Variants in KSR1 observed in about 807,000 individuals in gnomAD.
KSR1 encodes kinase suppressor of ras.
In KSR1, 35 loss-of-function variants were observed where a neutral mutation model predicts 92.9. The ratio of observed to expected loss-of-function variants is 0.38; its 90% confidence interval spans 0.29 to 0.50. The LOEUF is 0.50. KSR1 is among the 20% of genes least tolerant of loss of function. The pLI, the probability that KSR1 is intolerant of heterozygous loss-of-function variation, is 0.94. For synonymous variants in KSR1, 467 were observed against 472.6 expected (o/e 0.99, Z 0.15); for missense variants, 972 against 1,158.5 (o/e 0.84, Z 2.34).
chr17:27,533,899 A>G (rs1349720215), intron 1 of KSR1, among the ~76,000 whole-genome samples: 1 of 152,120 alleles, frequency 6.6e-6, no homozygotes, highest in Admixed American at 6.6e-5. Flanking sequence ...GCCTCTCTTT[A>G]TTTTGAGATG....
At chr17:27,526,094 T>TTCTTTCTCTCTCTCTTTCTTTCTTTC (rs55706224) in intron 1 of KSR1, among the ~76,000 whole-genome samples, 1 of 118,402 alleles carries the variant, frequency 8.4e-6, no homozygotes, top group Non-Finnish European at 1.7e-5. Flanking sequence ...CTTTCTTTCT[T>TTCTTTCTCTCTCTCTTTCTTTCTTTC]TCTCTCTCTC....
chr17:27,611,702 A>G, intron 18 of KSR1, 73 bp downstream of exon 18: 1 of 1,579,788 alleles, frequency 6.3e-7, no homozygotes, highest in Non-Finnish European at 8.7e-7. Context: ...GCTGCCCTTC[A>G]CTCACCCACC....
chr17:27,537,458 G>T (rs148775936), intron 1 of KSR1, among the ~76,000 whole-genome samples: 1 of 152,158 alleles, frequency 6.6e-6, no homozygotes, highest in South Asian at 2.1e-4. Flanking sequence ...TTGGGAGGCC[G>T]AGGCGGCAGA....
chr17:27,465,797 G>A (rs956851286), intron 1 of KSR1, among the ~76,000 whole-genome samples: 42 of 152,022 alleles, frequency 2.8e-4, no homozygotes, highest in African/African-American at 9.2e-4. Context: ...ATTAATTTGG[G>A]TTTAGTTTTG....
At chr17:27,583,268 G>A (rs995548492) in intron 4 of KSR1, among the ~76,000 whole-genome samples, 163 bp downstream of exon 4, 6 of 152,270 alleles carry the variant, frequency 3.9e-5, no homozygotes, top group Admixed American at 2.6e-4. Context: ...CTTTAGTGGT[G>A]TGGGCTGAAT....
intron 1 of KSR1, among the ~76,000 whole-genome samples, chr17:27,522,995 T>C (rs185829375): frequency 2.1e-4 from 32 of 152,272 alleles, no homozygotes; most frequent in African/African-American, 6.3e-4. Flanking sequence ...AAATACAGCA[T>C]GGGGAGGGGC....
At chr17:27,467,857 CT>C (rs2019776839) in intron 1 of KSR1, among the ~76,000 whole-genome samples, 1 of 149,296 alleles carries the variant, frequency 6.7e-6, no homozygotes, top group African/African-American at 2.5e-5. Context: ...GTCCCCCAGG[CT>C]GTAGTTCCGT....
intron 1 of KSR1, among the ~76,000 whole-genome samples, chr17:27,534,027 C>A (rs1207313141): frequency 1.3e-5 from 2 of 152,238 alleles, no homozygotes; most frequent in Non-Finnish European, 2.9e-5. Flanking sequence ...GCTCCCCTTG[C>A]AGCCTGGGGG....
In KSR1 at chr17:27,609,184, T is replaced by G; in HGVS notation, c.2092-12T>G. 1 of 1,611,552 alleles carries G rather than the reference T, an allele frequency of 6.2e-7. No individual in the cohort carries two copies. Among genetic ancestry groups the G allele is most frequent in the Non-Finnish European group, 8.5e-7 (1 of 1,177,902 alleles). On this transcript the variant is annotated splice_polypyrimidine_tract_variant and intron_variant, in intron 15 of 20. Coordinates refer to ENST00000644974, the MANE Select transcript of KSR1 (RefSeq NM_001394583.1). ...CGTTGCACATCTTCACTCCTCCTGA[T>G]GTGTCCTCCAGGGCATGGGATATCT...
At chr17:27,475,175 C>T (rs1417422145) in intron 1 of KSR1, among the ~76,000 whole-genome samples, 1 of 152,114 alleles carries the variant, frequency 6.6e-6, no homozygotes, top group African/African-American at 2.4e-5. Flanking sequence ...TTGGAAAACC[C>T]TGGGGCCAGG....
At chr17:27,483,663 T>A (rs141117823) in intron 1 of KSR1, 3 of 152,016 alleles carry the variant, frequency 2.0e-5, no homozygotes, top group African/African-American at 4.8e-5. Context: ...CTTAGGTGAC[T>A]GGACTGATGT....
intron 1 of KSR1, among the ~76,000 whole-genome samples, chr17:27,550,342 C>T (rs1482642021): frequency 6.6e-6 from 1 of 152,238 alleles, no homozygotes; most frequent in Non-Finnish European, 1.5e-5. Context: ...GCAGTGTCAG[C>T]CGCCCTGGGT....
chr17:27,582,882 C>G lies in KSR1; in HGVS notation c.757C>G (p.Pro253Ala). The G allele has an allele frequency of 1.2e-6, 2 of 1,613,242 alleles. No homozygotes were observed. The highest frequency in any genetic ancestry group is 1.7e-6 in the Non-Finnish European group (2 of 1,179,556). Residue 253 changes from proline (P) to alanine (A), a missense_variant, in exon 4 of 21, where the codon CCC becomes GCC. Coordinates refer to ENST00000644974, the MANE Select transcript of KSR1 (RefSeq NM_001394583.1). ...FSEGLSDTCI[P>A]LHASGRLTPR... ...TGAGGGCCTCTCAGACACCTGTATTCCCCTGCACGCCAGCGGCCGGCTGAC... is the reference window on the plus strand; with the variant it reads ...TGAGGGCCTCTCAGACACCTGTATTGCCCTGCACGCCAGCGGCCGGCTGAC...
At chr17:27,499,353 A>G (rs938992454) in intron 1 of KSR1, among the ~76,000 whole-genome samples, 3 of 152,168 alleles carry the variant, frequency 2.0e-5, no homozygotes, top group South Asian at 4.1e-4. Context: ...TATTACCATC[A>G]CAGGGTGGTT....
At position 27,513,485 on chromosome 17, in the gene KSR1, G is replaced by A. The variant is rs59872416; in HGVS notation, c.232-37083G>A. On this transcript the variant is annotated intron_variant, in intron 1 of 20. Transcript: ENST00000644974. ...ACATGACTCTTGGTTAGCCTGTATT[G>A]TGTATGTGCATGCACACACTTGTGT... Among the ~76,000 whole-genome samples the A allele has an allele frequency of 3.4e-3, 510 of 152,226 alleles. 4 individuals carry two copies. Among genetic ancestry groups the A allele is most frequent in the African/African-American group, 0.011 (471 of 41,530 alleles).
intron 1 of KSR1, among the ~76,000 whole-genome samples, chr17:27,542,865 GAGA>G (rs1433694770): frequency 2.0e-5 from 3 of 152,228 alleles, no homozygotes; most frequent in African/African-American, 7.2e-5. Flanking sequence ...CTGCTTTACA[GAGA>G]AGGAGACTAA....
At chr17:27,516,674 A>T (rs537044835) in intron 1 of KSR1, among the ~76,000 whole-genome samples, 1 of 152,368 alleles carries the variant, frequency 6.6e-6, no homozygotes, top group South Asian at 2.1e-4. Context: ...TTCGAAGCTG[A>T]GATCATCCTG....
At chr17:27,622,982 T>C in intron 20 of KSR1, 1 of 338,202 alleles carries the variant, frequency 3.0e-6, no homozygotes, top group Non-Finnish European at 5.4e-6. Context: ...GTTTCTCTTC[T>C]CTCTCAGTTC....
At chr17:27,536,545 G>A (rs2070758667) in intron 1 of KSR1, among the ~76,000 whole-genome samples, 1 of 152,300 alleles carries the variant, frequency 6.6e-6, no homozygotes, top group Non-Finnish European at 1.5e-5. Flanking sequence ...TCCAGAATGA[G>A]GATCGTTCAG....
Sources: allele counts gnomAD v4.1 joint callset (sites outside exome capture counted in the v4.1 genomes callset), GRCh38; gene constraint gnomAD v4.1.1; transcripts MANE v1.5; gene names NCBI Gene and HGNC (gene_info 2026-07-23, HGNC 2026-07-21).